CADM2: variants seen among roughly 807,000 people sequenced by gnomAD.
CADM2 encodes the protein cell adhesion molecule 2.
CADM2 carries 12 observed loss-of-function variants against 49.8 expected under a neutral mutation model. The observed-to-expected ratio is 0.24, with a 90% confidence interval of 0.15 to 0.39. The LOEUF (loss-of-function observed/expected upper bound fraction) is 0.39. Among genes scored for constraint, CADM2 ranks in the 10% least tolerant of loss-of-function variants. The pLI is 1.00. For missense variants in CADM2, 378 were observed against 492.3 expected, an observed-to-expected ratio of 0.77 and a Z score of 2.20; for synonymous variants, 214 against 175.4, an observed-to-expected ratio of 1.22 and a Z score of -1.74.
At chr3:85,468,153 CAAAAAAAAAAAAAAAA>C (rs57721920) in intron 1 of CADM2, among the ~76,000 whole-genome samples, 2 of 55,336 alleles carry the variant, frequency 3.6e-5, no homozygotes, top group Non-Finnish European at 5.9e-5. Flanking sequence ...GACTCCGTCT[CAAAAAAAAAAAAAAAA>C]AAAAAAAAAA....
chr3:85,180,195 G>A (rs977363182), intron 1 of CADM2, among the ~76,000 whole-genome samples: 9 of 152,014 alleles, frequency 5.9e-5, no homozygotes, highest in Non-Finnish European at 1.3e-4. Flanking sequence ...TACAGAATTG[G>A]CAAAGATACT....
intron 5 of CADM2, among the ~76,000 whole-genome samples, chr3:85,910,259 T>C (rs978065019): frequency 6.6e-6 from 1 of 152,130 alleles, no homozygotes; most frequent in Non-Finnish European, 1.5e-5. Context: ...AAAAATTGTT[T>C]GTCAAGAGAT....
At chr3:85,075,815 G>A (rs1013619240) in intron 1 of CADM2, among the ~76,000 whole-genome samples, 10 of 152,186 alleles carry the variant, frequency 6.6e-5, no homozygotes, top group South Asian at 6.2e-4. Flanking sequence ...CTCCTAAAAT[G>A]CAACACAACT....
intron 8 of CADM2, among the ~76,000 whole-genome samples, chr3:85,970,755 T>C (rs1364990631): frequency 6.6e-6 from 1 of 151,578 alleles, no homozygotes; most frequent in Non-Finnish European, 1.5e-5. Context: ...TGCAGCACAG[T>C]TTAGTTAATC....
intron 1 of CADM2, among the ~76,000 whole-genome samples, chr3:85,101,924 C>G (rs1256041902): frequency 6.6e-6 from 1 of 152,132 alleles, no homozygotes; most frequent in African/African-American, 2.4e-5. Flanking sequence ...CAGTGTGTAT[C>G]TAACTCTTCA....
intron 1 of CADM2, among the ~76,000 whole-genome samples, chr3:85,071,019 TAAAC>T (rs1553679029): frequency 5.3e-5 from 8 of 149,768 alleles, no homozygotes; most frequent in Middle Eastern, 3.6e-3. Context: ...AATAAATAAA[TAAAC>T]AAATAAATAA....
chr3:85,881,677 C>T (rs914293361), intron 3 of CADM2, among the ~76,000 whole-genome samples: 7 of 152,016 alleles, frequency 4.6e-5, no homozygotes, highest in Admixed American at 1.3e-4. Flanking sequence ...TCTGGTCCAC[C>T]GAAGGGAGAA....
At chr3:85,212,831 T>C (rs535369180) in intron 1 of CADM2, among the ~76,000 whole-genome samples, 6 of 102,210 alleles carry the variant, frequency 5.9e-5, no homozygotes, top group Admixed American at 1.1e-4. Context: ...TCTTTCTTTC[T>C]TTCTTTCTTT....
At chr3:85,420,356 T>G (rs1272631104) in intron 1 of CADM2, among the ~76,000 whole-genome samples, 5 of 152,196 alleles carry the variant, frequency 3.3e-5, no homozygotes, top group African/African-American at 1.2e-4. Context: ...AAAATATATG[T>G]TATATTTAGT....
At chr3:84,966,443 TTTACTC>T (rs1239577414) in intron 1 of CADM2, among the ~76,000 whole-genome samples, 3 of 152,100 alleles carry the variant, frequency 2.0e-5, no homozygotes, top group Admixed American at 2.0e-4. Flanking sequence ...ATTGTGTTCT[TTTACTC>T]TTTCAATTAA....
chr3:85,898,178 A>G (rs1715525823), intron 5 of CADM2, among the ~76,000 whole-genome samples: 1 of 152,224 alleles, frequency 6.6e-6, no homozygotes, highest in Non-Finnish European at 1.5e-5. Context: ...CTATAGAAGG[A>G]GATATAATGA....
chr3:85,447,404 G>C (rs2037518903), intron 1 of CADM2, among the ~76,000 whole-genome samples: 1 of 152,012 alleles, frequency 6.6e-6, no homozygotes, highest in Admixed American at 6.6e-5. Flanking sequence ...TTTTCCTTCT[G>C]TTAAGCTTAA....
At chr3:85,709,384 A>G (rs1408675696) in intron 1 of CADM2, among the ~76,000 whole-genome samples, 3 of 152,148 alleles carry the variant, frequency 2.0e-5, no homozygotes, top group Non-Finnish European at 4.4e-5. Flanking sequence ...AACTAGTGAC[A>G]CCATATTACA....
At chr3:85,235,257 G>A (rs911483425) in intron 1 of CADM2, among the ~76,000 whole-genome samples, 2 of 152,024 alleles carry the variant, frequency 1.3e-5, no homozygotes, top group Non-Finnish European at 2.9e-5. Flanking sequence ...ACAATTATTT[G>A]CTATATTGCC....
rs927647417 is a variant in CADM2, at chr3:85,446,523, A to G, written c.62-279999A>G. Reference sequence around the variant, plus strand: ...CTTTTCAGCTTTTCTTGTTTGAAAAATAATTAGCATTTGAAGATAAGGATA... The same window carrying G: ...CTTTTCAGCTTTTCTTGTTTGAAAAGTAATTAGCATTTGAAGATAAGGATA... On this transcript the variant is annotated intron_variant, in intron 1 of 9. Transcript: ENST00000383699. 3.3e-5 allele frequency among the ~76,000 whole-genome samples: 5 copies of G among 152,178 alleles called. No homozygotes were observed. In the South Asian group the frequency reaches 6.2e-4, roughly 19 times the overall value.
intron 1 of CADM2, among the ~76,000 whole-genome samples, chr3:85,477,900 T>C (rs567250599): frequency 2.0e-5 from 3 of 152,042 alleles, no homozygotes; most frequent in African/African-American, 7.2e-5. Context: ...AGCACTAAAA[T>C]TCTCAGCTAT....
intron 1 of CADM2, among the ~76,000 whole-genome samples, chr3:84,986,897 C>A (rs1020724159): frequency 6.6e-6 from 1 of 151,224 alleles, no homozygotes; most frequent in Non-Finnish European, 1.5e-5. Flanking sequence ...ACTAAAAATA[C>A]AAAAATTAGC....
At chr3:85,879,575 C>T (rs1392937878) in intron 3 of CADM2, among the ~76,000 whole-genome samples, 1 of 152,090 alleles carries the variant, frequency 6.6e-6, no homozygotes, top group Non-Finnish European at 1.5e-5. Context: ...TTTGGGATCA[C>T]CCTCTTGTGT....
At chr3:85,139,795 G>A (rs572175593) in intron 1 of CADM2, among the ~76,000 whole-genome samples, 17 of 152,126 alleles carry the variant, frequency 1.1e-4, no homozygotes, top group Admixed American at 7.2e-4. Flanking sequence ...ACAATTTGGG[G>A]GCTCAATATT....
Sources: allele counts gnomAD v4.1 joint callset (sites outside exome capture counted in the v4.1 genomes callset), GRCh38; gene constraint gnomAD v4.1.1; transcripts MANE v1.5; gene names NCBI Gene and HGNC (gene_info 2026-07-23, HGNC 2026-07-21).